The following SLC25A21 variants were observed in gnomAD, a reference collection of about 807,000 sequenced individuals.
The protein encoded by SLC25A21 is solute carrier family 25 member 21.
Under a neutral mutation model 43.8 loss-of-function variants are expected in SLC25A21, and 47 were observed. The ratio of observed to expected loss-of-function variants is 1.07; its 90% CI spans 0.85 to 1.37. SLC25A21 has a LOEUF of 1.37. SLC25A21 is among the 40% of genes most tolerant of loss of function. SLC25A21 has a pLI of 0.00. For synonymous variants in SLC25A21, 131 were observed against 121.3 expected (o/e 1.08, Z -0.52); for missense variants, 352 against 350.2 (o/e 1.00, Z -0.04).
intron 7 of SLC25A21, among the ~76,000 whole-genome samples, chr14:36,705,828 G>A (rs1321061785): frequency 6.6e-6 from 1 of 152,148 alleles, no homozygotes; most frequent in Non-Finnish European, 1.5e-5. Context: ...CTGGGTAAGG[G>A]AATTGAAACA....
intron 1 of SLC25A21, among the ~76,000 whole-genome samples, chr14:36,926,402 A>G (rs1486434528): frequency 6.6e-6 from 1 of 152,024 alleles, no homozygotes; most frequent in Non-Finnish European, 1.5e-5. Context: ...AGAATAAAAG[A>G]AAAAAAATGA....
chr14:36,786,910 T>C (rs1350820539), intron 3 of SLC25A21, among the ~76,000 whole-genome samples: 2 of 152,164 alleles, frequency 1.3e-5, no homozygotes, highest in East Asian at 3.9e-4. Context: ...TTAGAGCTGA[T>C]GGAGGTGAGG....
intron 2 of SLC25A21, among the ~76,000 whole-genome samples, chr14:36,823,145 A>C (rs183019036): frequency 6.6e-6 from 1 of 152,180 alleles, no homozygotes; most frequent in Admixed American, 6.5e-5. Context: ...TACACTGACA[A>C]TATAATTCTA....
chr14:36,857,041 C>T (rs1566679803), intron 2 of SLC25A21, among the ~76,000 whole-genome samples: 1 of 152,226 alleles, frequency 6.6e-6, no homozygotes, highest in Non-Finnish European at 1.5e-5. Flanking sequence ...GGCCTTTTCA[C>T]ATTTACCACT....
chr14:37,095,280 G>A (rs1962665879), intron 1 of SLC25A21, among the ~76,000 whole-genome samples: 1 of 152,152 alleles, frequency 6.6e-6, no homozygotes, highest in African/African-American at 2.4e-5. Flanking sequence ...CACGGTGGGA[G>A]GCCAAAGAGG....
chr14:36,835,733 T>C (rs1889187239), intron 2 of SLC25A21, among the ~76,000 whole-genome samples: 1 of 152,238 alleles, frequency 6.6e-6, no homozygotes, highest in African/African-American at 2.4e-5. Context: ...TTCAGATAAA[T>C]ATATCCTGTC....
chr14:36,890,275 T>C (rs1032766812), intron 1 of SLC25A21, among the ~76,000 whole-genome samples: 2 of 152,192 alleles, frequency 1.3e-5, no homozygotes, highest in African/African-American at 4.8e-5. Flanking sequence ...TTTTGTCTAC[T>C]GACATTCAGC....
intron 1 of SLC25A21, among the ~76,000 whole-genome samples, chr14:37,089,617 G>A (rs774665784): frequency 6.6e-6 from 1 of 152,144 alleles, no homozygotes; most frequent in Non-Finnish European, 1.5e-5. Context: ...ATGACATCAG[G>A]GGAGGGGAGG....
At chr14:37,152,387 T>TTTC (rs1427316932) in intron 1 of SLC25A21, among the ~76,000 whole-genome samples, 8 of 1,374 alleles carry the variant, frequency 5.8e-3, no homozygotes, top group Admixed American at 0.12. Flanking sequence ...TTTATTTCAA[T>TTTC]TTTTTTTTTT....
intron 1 of SLC25A21, among the ~76,000 whole-genome samples, chr14:37,090,699 T>C (rs1417328840): frequency 6.6e-6 from 1 of 152,192 alleles, no homozygotes; most frequent in Non-Finnish European, 1.5e-5. Flanking sequence ...ACTGAGTTCT[T>C]TCCTTTCAAT....
At chr14:36,719,607 G>A (rs1884294437) in intron 6 of SLC25A21, among the ~76,000 whole-genome samples, 2 of 152,178 alleles carry the variant, frequency 1.3e-5, no homozygotes, top group African/African-American at 4.8e-5. Context: ...CAAGACACTG[G>A]TATTAGAGTT....
At chr14:36,919,010 T>C (rs1594692347) in intron 1 of SLC25A21, among the ~76,000 whole-genome samples, 3 of 151,684 alleles carry the variant, frequency 2.0e-5, no homozygotes, top group Admixed American at 2.0e-4. Context: ...AGAGATAGAG[T>C]CCAGCCACAG....
At chr14:36,923,901 T>C (rs536811239) in intron 1 of SLC25A21, among the ~76,000 whole-genome samples, 1 of 152,318 alleles carries the variant, frequency 6.6e-6, no homozygotes, top group Admixed American at 6.5e-5. Flanking sequence ...AAGACATTTA[T>C]GCAGCCAACA....
At chr14:37,107,580 G>A (rs868295955) in intron 1 of SLC25A21, among the ~76,000 whole-genome samples, 1 of 152,030 alleles carries the variant, frequency 6.6e-6, no homozygotes, top group African/African-American at 2.4e-5. Context: ...GGTATATATA[G>A]TGTCTACTAA....
chr14:36,694,445 G>A (rs1294950387), intron 7 of SLC25A21, among the ~76,000 whole-genome samples: 1 of 152,182 alleles, frequency 6.6e-6, no homozygotes, highest in East Asian at 1.9e-4. Flanking sequence ...AGATGGCTGG[G>A]TCAAATGGTA....
chr14:36,680,862 A>AAGAT, intron 9 of SLC25A21, 143 bp from the exon 10 acceptor site: 1 of 527,442 alleles, frequency 1.9e-6, no homozygotes, highest in South Asian at 4.2e-5. Flanking sequence ...CTTCAATACC[A>AAGAT]AGATATAAAC....
rs1361420388 is a variant in SLC25A21 at position 37,071,767 on chromosome 14, C to A, written c.70+100514G>T. Among the ~76,000 whole-genome samples the A allele has an allele frequency of 2.0e-5, 3 of 152,128 alleles. No individual in the cohort carries two copies. In the East Asian group the frequency reaches 5.8e-4, roughly 29 times the overall value. ...TTTTTTAAACTACTCTGCATTTTGT[C>A]AAATCTAAGATGCAGTCATTCCTCA... On this transcript the variant is annotated intron_variant, in intron 1 of 9. Transcript: ENST00000331299.
intron 1 of SLC25A21, among the ~76,000 whole-genome samples, chr14:36,883,137 T>A (rs1890790586): frequency 6.6e-6 from 1 of 152,184 alleles, no homozygotes; most frequent in African/African-American, 2.4e-5. Context: ...CATGTCATTC[T>A]TCTGGTCAAC....
rs1196820103 is a variant in SLC25A21, at chr14:36,680,587, A to AGTC, written c.*68_*70dup. 1 of 1,539,436 alleles carries AGTC rather than the reference A, an allele frequency of 6.5e-7. No homozygotes were observed. Among genetic ancestry groups the AGTC allele is most frequent in the Non-Finnish European group, 8.8e-7 (1 of 1,142,398 alleles). The stretch of plus-strand genomic sequence containing the variant: ...ATAATTATACACCTGGCCGATCGAT[A>AGTC]GTCTCTCTTCTTCATGGTGCTGCAT... On this transcript the variant is annotated 3_prime_UTR_variant, in exon 10 of 10. Transcript: ENST00000331299.
Sources: allele counts gnomAD v4.1 joint callset (sites outside exome capture counted in the v4.1 genomes callset), GRCh38; gene constraint gnomAD v4.1.1; transcripts MANE v1.5; gene names NCBI Gene and HGNC (gene_info 2026-07-23, HGNC 2026-07-21).